The following PDIA6 variants were observed in gnomAD, a reference collection of about 807,000 sequenced individuals.
PDIA6 encodes protein disulfide-isomerase A6.
Under a neutral mutation model 58.4 loss-of-function variants are expected in PDIA6, and 29 were observed. The observed-to-expected ratio is 0.50, with a 90% CI of 0.37 to 0.68. The LOEUF (loss-of-function observed/expected upper bound fraction) is 0.68, where lower values mean the gene tolerates loss of function less well. Ranked by LOEUF, PDIA6 falls within the 30% of genes least tolerant of loss-of-function variation. The pLI, the probability that PDIA6 is intolerant of heterozygous loss-of-function variation, is 0.00. For missense variants in PDIA6, 480 were observed against 551.0 expected, an observed-to-expected ratio of 0.87 and a Z score of 1.29; for synonymous variants, 192 against 202.6, an observed-to-expected ratio of 0.95 and a Z score of 0.44.
At chr2:10,809,938 G>T (rs1001324142) in intron 1 of PDIA6, among the ~76,000 whole-genome samples, 1 of 152,004 alleles carries the variant, frequency 6.6e-6, no homozygotes, top group Non-Finnish European at 1.5e-5. Context: ...TTCACTAACA[G>T]CCCAGCAGGG....
intron 1 of PDIA6, among the ~76,000 whole-genome samples, chr2:10,808,147 A>G (rs1466728287): frequency 1.3e-5 from 2 of 152,256 alleles, no homozygotes; most frequent in African/African-American, 4.8e-5. Flanking sequence ...TATCATTCAG[A>G]GGAAAGAATA....
intron 8 of PDIA6, among the ~76,000 whole-genome samples, chr2:10,789,406 T>G (rs1042456690): frequency 5.9e-5 from 7 of 119,646 alleles, no homozygotes; most frequent in Non-Finnish European, 9.6e-5. Flanking sequence ...GAGAATTAAA[T>G]GAAAACAAAA....
At position 10,806,307 on chromosome 2, in the gene PDIA6, A is replaced by T. The variant is rs544000844; in HGVS notation, c.20-3667T>A. On this transcript the variant is annotated intron_variant, in intron 1 of 12. Coordinates refer to ENST00000272227, the MANE Select transcript of PDIA6 (RefSeq NM_005742.4). ...CACTGAGCCCAGGGAGGTCGAGGCT[A>T]CGGGTGCAGTGGGCTGTGATGCACC... 2.0e-5 allele frequency among the ~76,000 whole-genome samples: 3 copies of T among 150,406 alleles called. No individual in the cohort carries two copies. In the East Asian group the frequency reaches 5.9e-4, roughly 30 times the overall value.
intron 1 of PDIA6, among the ~76,000 whole-genome samples, chr2:10,822,463 C>G (rs1667427052): frequency 1.3e-5 from 2 of 152,144 alleles, no homozygotes; most frequent in South Asian, 4.1e-4. Context: ...GGAGTTTCAC[C>G]CTGTTAGCCA....
chr2:10,812,807 C>T (rs1667067108), upstream of PDIA6: 1 of 1,196,006 alleles, frequency 8.4e-7, no homozygotes, highest in Non-Finnish European at 1.0e-6. Context: ...GTCCGGTGGT[C>T]CGAGGGGCGG....
intron 1 of PDIA6, among the ~76,000 whole-genome samples, chr2:10,811,505 GAAAGACATGTA>G (rs1666997084): frequency 2.3e-5 from 1 of 42,982 alleles, no homozygotes; most frequent in African/African-American, 4.5e-5. Flanking sequence ...TCAAAAAACA[GAAAGACATGTA>G]CTAACTCATT....
intron 1 of PDIA6, chr2:10,810,268 C>G: frequency 6.5e-7 from 1 of 1,530,984 alleles, no homozygotes; most frequent in Non-Finnish European, 8.8e-7. Context: ...TAGATAGACC[C>G]AAATTTCTAA....
intron 1 of PDIA6, among the ~76,000 whole-genome samples, chr2:10,808,344 T>C (rs1666848305): frequency 6.6e-6 from 1 of 152,232 alleles, no homozygotes; most frequent in Non-Finnish European, 1.5e-5. Context: ...AAGAAGTCAC[T>C]GGGAGCCCTG....
upstream of PDIA6, among the ~76,000 whole-genome samples, chr2:10,816,384 C>A (rs1020959928): frequency 2.6e-5 from 3 of 117,192 alleles, no homozygotes; most frequent in African/African-American, 1.0e-4. Flanking sequence ...CCATGCCCGG[C>A]CTGTATCATT....
chr2:10,817,784 A>G (rs984497435), upstream of PDIA6, among the ~76,000 whole-genome samples: 2 of 152,260 alleles, frequency 1.3e-5, no homozygotes, highest in African/African-American at 4.8e-5. Flanking sequence ...CGGGAAGATC[A>G]GTGCCACCCT....
At chr2:10,819,626 G>A (rs1420994268) in intron 1 of PDIA6, among the ~76,000 whole-genome samples, 1 of 152,170 alleles carries the variant, frequency 6.6e-6, no homozygotes, top group East Asian at 1.9e-4. Flanking sequence ...AAGCTGCCTT[G>A]ATTTCCAACC....
intron 1 of PDIA6, among the ~76,000 whole-genome samples, chr2:10,803,848 C>A (rs928819679): frequency 6.6e-6 from 1 of 151,706 alleles, no homozygotes; most frequent in Non-Finnish European, 1.5e-5. Flanking sequence ...CCTTGTGATG[C>A]CTTGATAACT....
intron 1 of PDIA6, among the ~76,000 whole-genome samples, chr2:10,803,843 T>C (rs1320390982): frequency 5.9e-5 from 9 of 151,852 alleles, no homozygotes; most frequent in Admixed American, 5.9e-4. Context: ...TATCACCTTG[T>C]GATGCCTTGA....
chr2:10,826,993 G>A (rs925705267), intron 1 of PDIA6, among the ~76,000 whole-genome samples: 1 of 152,176 alleles, frequency 6.6e-6, no homozygotes, highest in Non-Finnish European at 1.5e-5. Flanking sequence ...AAGTGACAGT[G>A]CCCCCGGGTG....
At chr2:10,804,966 CTCTG>C (rs920849316) in intron 1 of PDIA6, among the ~76,000 whole-genome samples, 20 of 96,884 alleles carry the variant, frequency 2.1e-4, no homozygotes, top group African/African-American at 5.8e-4. Context: ...TGATTTGGCT[CTCTG>C]TCTGTTGTTG....
At chr2:10,797,399 C>T (rs1666313696) in intron 3 of PDIA6, among the ~76,000 whole-genome samples, 192 bp from the exon 4 acceptor site, 1 of 152,166 alleles carries the variant, frequency 6.6e-6, no homozygotes, top group Non-Finnish European at 1.5e-5. Flanking sequence ...AATCAAAGCC[C>T]ATGGAGGGAA....
intron 1 of PDIA6, 76 bp downstream of exon 1, chr2:10,812,601 CG>C: frequency 1.4e-6 from 2 of 1,383,570 alleles, no homozygotes; most frequent in Non-Finnish European, 9.5e-7. Context: ...CGCGGCCCGC[CG>C]GGGAACGGCC....
chr2:10,797,355 C>T (rs1558445714), intron 3 of PDIA6, 148 bp from the exon 4 acceptor site: 2 of 712,428 alleles, frequency 2.8e-6, no homozygotes, highest in South Asian at 4.0e-5. Context: ...TAGCCTTGAA[C>T]ACCAGAAGAG....
At chr2:10,806,594 G>C (rs1294273953) in intron 1 of PDIA6, among the ~76,000 whole-genome samples, 5 of 107,254 alleles carry the variant, frequency 4.7e-5, no homozygotes, top group Admixed American at 3.1e-4. Context: ...GGCCAACACA[G>C]AATAGCAAAA....
Sources: gnomAD v4.1 joint callset for allele counts (sites outside exome capture counted in the v4.1 genomes callset) on GRCh38, gnomAD v4.1.1 for gene constraint, MANE v1.5 for transcripts, NCBI Gene and HGNC (gene_info 2026-07-23, HGNC 2026-07-21) for gene names.